Variants in FADS2 observed in about 807,000 individuals in gnomAD.
The protein encoded by FADS2 is acyl-CoA 6-desaturase.
FADS2 carries 18 observed loss-of-function variants against 61.2 expected under a neutral mutation model. The ratio of observed to expected loss-of-function variants is 0.29; its 90% CI spans 0.20 to 0.44. FADS2 has a LOEUF of 0.44. Among genes scored for constraint, FADS2 ranks in the 20% least tolerant of loss-of-function variants. FADS2 has a pLI of 1.00. For synonymous variants in FADS2, 203 were observed against 223.9 expected, an observed-to-expected ratio of 0.91 and a Z score of 0.83; for missense variants, 322 against 572.7, an observed-to-expected ratio of 0.56 and a Z score of 4.47.
chr11:61,818,130 CGTA>C (rs1454029495), intron 1 of FADS2, among the ~76,000 whole-genome samples: 1 of 152,020 alleles, frequency 6.6e-6, no homozygotes, highest in East Asian at 1.9e-4. Flanking sequence ...ATTCTGAGCA[CGTA>C]GGAGTCAGGA....
In FADS2 at chr11:61,837,880, G is replaced by T; in HGVS notation, c.310G>T (p.Gly104Cys). 1.1e-5 allele frequency: 18 copies of T among 1,612,332 alleles called. No individual in the cohort carries two copies. The highest frequency in any genetic ancestry group is 1.5e-5 in the Non-Finnish European group (18 of 1,178,928). Residue 104 changes from glycine (G) to cysteine (C), a missense_variant, in exon 2 of 12, where the codon GGC becomes TGC. Physicochemically the swap from Gly to Cys is radical, Grantham distance 159. Around this residue, in one of 3 missense-constraint regions of FADS2, gnomAD observed 40 missense variants for 37.3 expected, o/e 1.07. Coordinates refer to ENST00000278840, the MANE Select transcript of FADS2 (RefSeq NM_004265.4). ...LAPEEPSQDH[G>C]KNSKITEDFR... ...CCCGGAGGAGCCCAGCCAGGACCAC[G>T]GCAAGAACGTAAGTCTGGCTTGCAA...
chr11:61,863,016 C>T lies in FADS2; in HGVS notation c.927C>T (p.Thr309=). 6.2e-7 allele frequency: 1 copy of T among 1,614,264 alleles called. No homozygotes were observed. The highest frequency in any genetic ancestry group is 8.5e-7 in the Non-Finnish European group (1 of 1,180,054). ...AVSYYIRFFI[T]YIPFYGILGA... is the part of the protein sequence containing the mutation. Reference sequence around the variant, plus strand: ...GCTACTACATCCGGTTCTTCATCACCTACATCCCTTTCTACGGCATCCTGG... The same window carrying T: ...GCTACTACATCCGGTTCTTCATCACTTACATCCCTTTCTACGGCATCCTGG... The change falls in exon 8 of 12, where the codon ACC becomes ACT. Residue 309 remains threonine, a synonymous_variant. Coordinates refer to ENST00000278840, the MANE Select transcript of FADS2 (RefSeq NM_004265.4).
chr11:61,822,097 G>A (rs1591160471), intron 1 of FADS2, among the ~76,000 whole-genome samples: 2 of 152,150 alleles, frequency 1.3e-5, no homozygotes, highest in East Asian at 3.8e-4. Flanking sequence ...AGCCTCCTGA[G>A]TAGCTGGGAC....
chr11:61,848,380 A>G, intron 5 of FADS2, 96 bp downstream of exon 5: 1 of 1,581,696 alleles, frequency 6.3e-7, no homozygotes, highest in Non-Finnish European at 8.6e-7. Flanking sequence ...TTGACCTAGG[A>G]AGTGTTTGGC....
intron 1 of FADS2, chr11:61,817,182 CG>C: frequency 7.2e-6 from 1 of 138,984 alleles, no homozygotes; most frequent in Non-Finnish European, 1.4e-5. Context: ...GCCAGGGCTG[CG>C]GGGTGGCCGC....
intron 1 of FADS2, among the ~76,000 whole-genome samples, chr11:61,822,116 T>C (rs2067040418): frequency 6.6e-6 from 1 of 152,110 alleles, no homozygotes; most frequent in African/African-American, 2.4e-5. Flanking sequence ...ACTACAGGCG[T>C]CTGCCACCAC....
At chr11:61,847,406 T>C in intron 4 of FADS2, 1 of 151,682 alleles carries the variant, frequency 6.6e-6, no homozygotes, top group East Asian at 2.0e-4. Flanking sequence ...ATCCTAGCCC[T>C]ACACAACTGC....
chr11:61,835,656 C>T (rs925353719), intron 1 of FADS2, among the ~76,000 whole-genome samples: 4 of 151,710 alleles, frequency 2.6e-5, no homozygotes, highest in Admixed American at 1.3e-4. Flanking sequence ...TCCGCCGCCT[C>T]GGCCTCCCAA....
intron 5 of FADS2, among the ~76,000 whole-genome samples, chr11:61,853,243 T>C (rs61897796): frequency 1.7e-3 from 125 of 72,472 alleles, no homozygotes; most frequent in East Asian, 0.012. Context: ...CTTTCTTTCT[T>C]TCTCTCTCTC....
rs190121394 is a variant in FADS2 at position 61,859,417 on chromosome 11, T to G, written c.882+1887T>G. ...TGTCCTTTTCACCCTGACTGTGAATTTAAGAGCAGCCAAGTCAAATTTTAT... is the reference window on the plus strand; with the variant it reads ...TGTCCTTTTCACCCTGACTGTGAATGTAAGAGCAGCCAAGTCAAATTTTAT... On this transcript the variant is annotated intron_variant, in intron 7 of 11. Transcript: ENST00000278840. Among the ~76,000 whole-genome samples the G allele has an allele frequency of 2.4e-3, 366 of 152,330 alleles. 3 individuals are homozygous for G. Among genetic ancestry groups the G allele is most frequent in the African/African-American group, 8.3e-3 (345 of 41,588 alleles).
chr11:61,858,634 G>C (rs2135976994), intron 7 of FADS2, among the ~76,000 whole-genome samples: 1 of 151,768 alleles, frequency 6.6e-6, no homozygotes, highest in South Asian at 2.1e-4. Flanking sequence ...CGCCCAGGCT[G>C]GAGTGCAGTG....
rs895506907 is a variant in FADS2, at chr11:61,866,510, C to G, written c.*821C>G. The G allele has an allele frequency of 3.3e-5, 5 of 152,670 alleles. No homozygotes were observed. Among genetic ancestry groups the G allele is most frequent in the African/African-American group, 1.2e-4 (5 of 41,486 alleles). The allele number at this position is 152,670 out of a possible 1,614,324, so 9.5% of individuals were successfully genotyped here. A position where few individuals can be genotyped will look rare whatever the true frequency, so the allele number is the denominator to read the frequency against. On this transcript the variant is annotated 3_prime_UTR_variant, in exon 12 of 12. Transcript: ENST00000278840. ...GGGGCCGGCTGGCCTGGAGGCTCAG[C>G]CCACCCTCCAGCTTTTCCTCAGGGT...
At chr11:61,824,394 AAGAG>A (rs1193068439), upstream of FADS2, among the ~76,000 whole-genome samples, 753 of 17,330 alleles carry the variant, frequency 0.043, 59 homozygotes, top group South Asian at 0.061. Context: ...GGGAAAAAAA[AAGAG>A]AGAGAGAGAG....
chr11:61,850,196 A>G (rs895681039), intron 5 of FADS2, among the ~76,000 whole-genome samples: 2 of 151,928 alleles, frequency 1.3e-5, no homozygotes, highest in African/African-American at 4.8e-5. Context: ...GACCTACATT[A>G]TTTTATATGG....
upstream of FADS2, among the ~76,000 whole-genome samples, chr11:61,824,097 C>T (rs1253007917): frequency 6.6e-6 from 1 of 151,974 alleles, no homozygotes; most frequent in Non-Finnish European, 1.5e-5. Context: ...AAATCACTAT[C>T]TCCGCTGGGT....
chr11:61,833,554 C>T (rs950011812), intron 1 of FADS2, among the ~76,000 whole-genome samples: 9 of 152,222 alleles, frequency 5.9e-5, no homozygotes, highest in Admixed American at 6.5e-5. Flanking sequence ...AGCTCATTCC[C>T]GAGTGTGATA....
At chr11:61,842,731 C>T (rs904291014) in intron 4 of FADS2, among the ~76,000 whole-genome samples, 1 of 152,248 alleles carries the variant, frequency 6.6e-6, no homozygotes, top group African/African-American at 2.4e-5. Context: ...ATGTGGCTCA[C>T]TCAGGGGTGC....
At chr11:61,851,997 G>T (rs1392693562) in intron 5 of FADS2, among the ~76,000 whole-genome samples, 1 of 152,146 alleles carries the variant, frequency 6.6e-6, no homozygotes, top group African/African-American at 2.4e-5. Context: ...CTGCCAAATG[G>T]GATATGGGTA....
intron 7 of FADS2, among the ~76,000 whole-genome samples, chr11:61,861,371 A>AAAAAAAAAAAAAAAAAAAAAAAAAAAAAC (rs1555078396): frequency 6.6e-5 from 7 of 106,452 alleles, no homozygotes; most frequent in Non-Finnish European, 1.1e-4. Flanking sequence ...AAAAAAAAAA[A>AAAAAAAAAAAAAAAAAAAAAAAAAAAAAC]CAGAAATTAG....
Sources: allele counts gnomAD v4.1 joint callset (sites outside exome capture counted in the v4.1 genomes callset), GRCh38; gene constraint gnomAD v4.1.1; regional missense constraint gnomAD v4.1.1; transcripts MANE v1.5; gene names NCBI Gene and HGNC (gene_info 2026-07-23, HGNC 2026-07-21).